Variants in DCLK2 observed in about 807,000 individuals in gnomAD.
DCLK2 encodes the protein serine/threonine-protein kinase DCLK2.
Under a neutral mutation model 78.4 loss-of-function variants are expected in DCLK2, and 31 were observed. The ratio of observed to expected loss-of-function variants is 0.40; its 90% CI spans 0.30 to 0.53. The LOEUF is 0.53. Ranked by LOEUF, DCLK2 falls within the 20% of genes least tolerant of loss-of-function variation. DCLK2 has a pLI of 0.61. For missense variants in DCLK2, 872 were observed against 973.7 expected, an observed-to-expected ratio of 0.90 and a Z score of 1.39; for synonymous variants, 407 against 374.9, an observed-to-expected ratio of 1.09 and a Z score of -0.99.
At chr4:150,228,195 C>T (rs1741761191) in intron 8 of DCLK2, among the ~76,000 whole-genome samples, 1 of 152,210 alleles carries the variant, frequency 6.6e-6, no homozygotes, top group African/African-American at 2.4e-5. Context: ...CACTGCAGAA[C>T]CCTTCATCAC....
chr4:150,239,802 G>C lies in DCLK2; in HGVS notation c.1627G>C (p.Val543Leu). The C allele has an allele frequency of 1.9e-6, 3 of 1,614,228 alleles. No homozygotes were observed. Among genetic ancestry groups the C allele is most frequent in the Non-Finnish European group, 1.7e-6 (2 of 1,180,040 alleles). Residue 543 changes from valine to leucine, a missense_variant, in exon 11 of 16, where the codon GTG (valine) becomes CTG (leucine). By Grantham distance (32) the Val-to-Leu change is conservative. This residue lies in a region of DCLK2 where 86 missense variants were observed against 150.3 expected (regional missense o/e 0.57). Transcript: ENST00000296550. ...LKLGDFGLAT[V>L]VEGPLYTVCG... is the part of the protein sequence containing the mutation. ...ACTGGGAGACTTTGGGCTTGCGACT[G>C]TGGTAGAAGGCCCTTTATACACAGT...
intron 8 of DCLK2, among the ~76,000 whole-genome samples, chr4:150,230,281 AAG>A (rs913741140): frequency 6.6e-6 from 1 of 152,222 alleles, no homozygotes; most frequent in African/African-American, 2.4e-5. Context: ...TTTATTGAAA[AAG>A]ATAATAACTT....
intron 2 of DCLK2, among the ~76,000 whole-genome samples, chr4:150,154,367 G>A (rs990437920): frequency 1.5e-4 from 23 of 152,264 alleles, no homozygotes; most frequent in Admixed American, 5.2e-4. Flanking sequence ...ATCTTGCTAT[G>A]TATTAGGTAT....
intron 2 of DCLK2, among the ~76,000 whole-genome samples, chr4:150,161,171 G>A (rs1735680214): frequency 6.6e-6 from 1 of 152,208 alleles, no homozygotes; most frequent in South Asian, 2.1e-4. Context: ...TACTTTCAGG[G>A]TAAGTGAGGA....
intron 8 of DCLK2, among the ~76,000 whole-genome samples, chr4:150,228,444 G>A (rs914482201): frequency 2.0e-4 from 31 of 152,300 alleles, no homozygotes; most frequent in African/African-American, 6.3e-4. Flanking sequence ...ACTCCTTCAC[G>A]TGAACACTTT....
At chr4:150,254,443 G>A (rs991125684) in intron 15 of DCLK2, 9 of 398,850 alleles carry the variant, frequency 2.3e-5, no homozygotes, top group African/African-American at 1.6e-4. Context: ...GCCATGGTAT[G>A]TACTAACCGC....
rs576573501 is a variant in DCLK2 at position 150,221,429 on chromosome 4, C to T, written c.1133-248C>T. On this transcript the variant is annotated intron_variant, in intron 6 of 15. Transcript: ENST00000296550. ...AATATCCTTTTTACCTAAGGCTAAT[C>T]ACTTATTTCACCTGATATCTCAGGG... is the stretch of plus-strand genomic sequence containing the variant. 2.0e-5 allele frequency among the ~76,000 whole-genome samples: 3 copies of T among 151,380 alleles called. No individual in the cohort carries two copies. In the East Asian group the frequency reaches 5.9e-4, roughly 30 times the overall value.
chr4:150,193,510 ATTGCATTGT>A (rs371987939), intron 3 of DCLK2, among the ~76,000 whole-genome samples: 40 of 152,318 alleles, frequency 2.6e-4, no homozygotes, highest in Middle Eastern at 6.8e-3. Context: ...TCCCTCTCTT[ATTGCATTGT>A]TTGCATTGTT....
chr4:150,253,925 G>A (rs1744369648), intron 15 of DCLK2: 2 of 982,578 alleles, frequency 2.0e-6, no homozygotes, highest in South Asian at 4.7e-5. Context: ...CCAAAGATGA[G>A]TTTGTATCAG....
In DCLK2 at chr4:150,102,689, C is replaced by T. The variant is rs751865034; in HGVS notation, c.633C>T (p.Ala211=). The change falls in exon 2 of 16, where the codon GCC becomes GCT. Residue 211 remains alanine (A), a synonymous_variant. Transcript: ENST00000296550. The part of the protein sequence containing the change: ...VIRSGVKPRK[A]VRILLNKKTA... ...GAAGTGGAGTGAAGCCTAGAAAAGC[C>T]GTGCGGATCCTTCTGAATAAAAAGA... 11 of 1,614,074 alleles carry T rather than the reference C, an allele frequency of 6.8e-6. No individual in the cohort carries two copies. Among genetic ancestry groups the T allele is most frequent in the South Asian group, 5.5e-5 (5 of 91,074 alleles).
In DCLK2 at chr4:150,175,011, A is replaced by ATATATATATATATAT. The variant is rs1553964170; in HGVS notation, c.757-18127_757-18126insTATATATATATATAT. ...AGACTCCGTCGCAAAAAAAAAAAAA[A>ATATATATATATATAT]ATATATATATATATATATATATTTA... On this transcript the variant is annotated intron_variant, in intron 2 of 15. Transcript: ENST00000296550. Among the ~76,000 whole-genome samples, 7 of 9,976 alleles carry ATATATATATATATAT rather than the reference A, an allele frequency of 7.0e-4. 2 individuals are homozygous for ATATATATATATATAT. The highest frequency in any genetic ancestry group is 1.8e-3 in the African/African-American group (7 of 3,794). The allele number at this position is 9,976 out of a possible 152,430, so 6.5% of individuals were successfully genotyped here. A position where few individuals can be genotyped will look rare whatever the true frequency, so the allele number is the denominator to read the frequency against.
At chr4:150,168,077 C>T (rs1021603005) in intron 2 of DCLK2, among the ~76,000 whole-genome samples, 1 of 152,188 alleles carries the variant, frequency 6.6e-6, no homozygotes, top group Non-Finnish European at 1.5e-5. Context: ...GGTGCGGTGG[C>T]TCACGCCTGT....
chr4:150,095,445 A>G (rs376325282), intron 1 of DCLK2, among the ~76,000 whole-genome samples: 1 of 152,210 alleles, frequency 6.6e-6, no homozygotes, highest in African/African-American at 2.4e-5. Flanking sequence ...AAGTTGTTGC[A>G]TATAGCTCTC....
chr4:150,114,789 C>T lies in DCLK2; in HGVS notation c.756+11977C>T, dbSNP rs578100737. Among the ~76,000 whole-genome samples, 11 of 152,260 alleles carry T rather than the reference C, an allele frequency of 7.2e-5. 1 individual carries two copies. The South Asian group carries it at 1.0e-3, about 14-fold the overall frequency. ...CTGATAGGTTGTCCTTTATAGGTTA[C>T]GTGATGCTTTTGTCTCACTGCTCTT... On this transcript the variant is annotated intron_variant, in intron 2 of 15. Coordinates refer to ENST00000296550, the MANE Select transcript of DCLK2 (RefSeq NM_001040260.4).
At chr4:150,174,384 T>C (rs28635652) in intron 2 of DCLK2, among the ~76,000 whole-genome samples, 36,190 of 152,098 alleles carry the variant, frequency 0.24, 4,841 homozygotes, top group African/African-American at 0.36. Context: ...CAGTGCTTCT[T>C]GTTTTATATA....
chr4:150,234,882 G>A (rs766858838), intron 10 of DCLK2, among the ~76,000 whole-genome samples: 6 of 152,220 alleles, frequency 3.9e-5, no homozygotes, highest in Middle Eastern at 3.4e-3. Context: ...CAGGCTTCTC[G>A]CCCATTGGGA....
At chr4:150,216,053 A>G (rs1376462111) in intron 5 of DCLK2, among the ~76,000 whole-genome samples, 2 of 152,174 alleles carry the variant, frequency 1.3e-5, no homozygotes, top group Non-Finnish European at 2.9e-5. Context: ...ATAATATGCC[A>G]TAATGCAGTA....
chr4:150,157,623 A>G lies in DCLK2; in HGVS notation c.757-35515A>G, dbSNP rs1020623363. Among the ~76,000 whole-genome samples the G allele has an allele frequency of 1.1e-4, 17 of 151,300 alleles. 1 individual carries two copies. Among genetic ancestry groups the G allele is most frequent in the African/African-American group, 4.1e-4 (17 of 41,138 alleles). On this transcript the variant is annotated intron_variant, in intron 2 of 15. Transcript: ENST00000296550. ...CACTTCCCGGGTTCAGGTGATTCTC[A>G]TGCCTCAACCTCCCCAGTAGCTAGG...
intron 15 of DCLK2, among the ~76,000 whole-genome samples, chr4:150,249,988 C>G (rs1309684995): frequency 6.6e-6 from 1 of 152,140 alleles, no homozygotes; most frequent in African/African-American, 2.4e-5. Context: ...AGAGAGACTC[C>G]CAAGCCCTGG....
Sources: allele counts gnomAD v4.1 joint callset (sites outside exome capture counted in the v4.1 genomes callset), GRCh38; gene constraint gnomAD v4.1.1; regional missense constraint gnomAD v4.1.1; transcripts MANE v1.5; gene names NCBI Gene and HGNC (gene_info 2026-07-23, HGNC 2026-07-21).